SH2B3: variants seen among roughly 807,000 people sequenced by gnomAD.
SH2B3 encodes SH2B adapter protein 3.
In SH2B3, 43 loss-of-function variants were observed where a neutral mutation model predicts 51.9. That is an observed-to-expected ratio of 0.83 (90% CI 0.65 to 1.07). The LOEUF (loss-of-function observed/expected upper bound fraction) is 1.07, where lower values mean the gene tolerates loss of function less well. Among genes scored for constraint, SH2B3 ranks in the 50% least tolerant of loss-of-function variants. The pLI, the probability that SH2B3 is intolerant of heterozygous loss-of-function variation, is 0.00. For synonymous variants in SH2B3, 396 were observed against 376.0 expected, an observed-to-expected ratio of 1.05 and a Z score of -0.62; for missense variants, 952 against 834.3, an observed-to-expected ratio of 1.14 and a Z score of -1.74.
rs1170357636 is a variant in SH2B3, at chr12:111,410,320, C to T, written c.-28+4043C>T. On this transcript the variant is annotated intron_variant, in intron 1 of 7. Transcript: ENST00000341259. This position sits in a 1 kb window ranked among gnomAD's most constrained non-coding sequence, Gnocchi z 4.9. ...AGAGGGCAGTGTATGCTGCGAGAGGCGAGGTAATTGAGGGCTTACGCATGT... is the reference window on the plus strand; with the variant it reads ...AGAGGGCAGTGTATGCTGCGAGAGGTGAGGTAATTGAGGGCTTACGCATGT... Among the ~76,000 whole-genome samples, 4 of 152,116 alleles carry T rather than the reference C, an allele frequency of 2.6e-5. No individual in the cohort carries two copies. Among genetic ancestry groups the T allele is most frequent in the Admixed American group, 1.3e-4 (2 of 15,280 alleles).
Position 111,447,428 on chromosome 12 carries a change from G to A in SH2B3, c.1120G>A (p.Ala374Thr). 2 of 1,614,004 alleles carry A rather than the reference G, an allele frequency of 1.2e-6. No individual in the cohort carries two copies. The highest frequency in any genetic ancestry group is 8.5e-7 in the Non-Finnish European group (1 of 1,179,962). Residue 374 changes from alanine (A) to threonine (T), a missense_variant, in exon 6 of 8, where the codon GCA becomes ACA. By Grantham distance (58) the Ala-to-Thr change is moderately conservative (BLOSUM62 0). Coordinates refer to ENST00000341259, the MANE Select transcript of SH2B3 (RefSeq NM_005475.3). ...WFHGPISRVK[A>T]AQLVQLQGPD... is the part of the protein sequence containing the mutation. ...CCACGGCCCCATCTCCAGAGTGAAA[G>A]CAGCTCAGCTGGTTCAGCTGCAGGG...
At chr12:111,432,297 C>T (rs1378297934) in intron 2 of SH2B3, among the ~76,000 whole-genome samples, 1 of 152,036 alleles carries the variant, frequency 6.6e-6, no homozygotes, top group African/African-American at 2.4e-5. Context: ...GGTGAGCTGC[C>T]TGCCTCAGCC....
At chr12:111,427,376 A>G (rs1265192548) in intron 2 of SH2B3, among the ~76,000 whole-genome samples, 4 of 134,406 alleles carry the variant, frequency 3.0e-5, no homozygotes, top group Non-Finnish European at 6.1e-5. Context: ...ACAGAGCAAG[A>G]CTCCATCTCA....
chr12:111,446,088 C>A (rs1873924683), intron 2 of SH2B3, among the ~76,000 whole-genome samples: 1 of 152,210 alleles, frequency 6.6e-6, no homozygotes, highest in Non-Finnish European at 1.5e-5. Flanking sequence ...CCCTTTTCTT[C>A]TTTCGGCCAT....
In SH2B3 at chr12:111,450,323, T is replaced by C. The variant is rs529493274; in HGVS notation, c.*2021T>C. 6.6e-6 allele frequency: 1 copy of C among 152,390 alleles called. No homozygotes were observed. Among genetic ancestry groups the C allele is most frequent in the East Asian group, 1.9e-4 (1 of 5,194 alleles). 9.4% of individuals were successfully genotyped at this position (152,390 alleles called of 1,614,324 possible). On this transcript the variant is annotated 3_prime_UTR_variant, in exon 8 of 8. Coordinates refer to ENST00000341259, the MANE Select transcript of SH2B3 (RefSeq NM_005475.3). ...CAGTCCATTTTTAAGGACACCTGTCTTTATTTCCTCAAAGTCAAGCAGCTT... is the reference window on the plus strand; with the variant it reads ...CAGTCCATTTTTAAGGACACCTGTCCTTATTTCCTCAAAGTCAAGCAGCTT...
Position 111,418,553 on chromosome 12 carries a change from G to A in SH2B3, c.408G>A (p.Gln136=), listed in dbSNP as rs1318897848. ...GGCCGCCCGGGCCCTGCTCCTTCCA[G>A]CACTTTCGCCGCAGCCTCCGCCACA... ...PPRPPGPCSF[Q]HFRRSLRHIF... is the part of the protein sequence containing the mutation. The change falls in exon 2 of 8, where the codon CAG becomes CAA. Residue 136 remains glutamine, a synonymous_variant. Coordinates refer to ENST00000341259, the MANE Select transcript of SH2B3 (RefSeq NM_005475.3). This position sits in a 1 kb window ranked among gnomAD's most constrained non-coding sequence, Gnocchi z 6.7. 1.4e-6 allele frequency: 2 copies of A among 1,468,740 alleles called. No homozygotes were observed. The highest frequency in any genetic ancestry group is 1.8e-6 in the Non-Finnish European group (2 of 1,115,214). 91.0% of individuals were successfully genotyped at this position (1,468,740 alleles called of 1,614,324 possible). A position where few individuals can be genotyped will look rare whatever the true frequency, so the allele number is the denominator to read the frequency against.
rs909309193 is a variant in SH2B3 at position 111,429,657 on chromosome 12, G to A, written c.732+10780G>A. ...CCCATTTTTATTAATTGGTTTTCATGTGACAGGCACTGTGTCCGCCACATC... is the reference window on the plus strand; with the variant it reads ...CCCATTTTTATTAATTGGTTTTCATATGACAGGCACTGTGTCCGCCACATC... On this transcript the variant is annotated intron_variant, in intron 2 of 7. Transcript: ENST00000341259. The surrounding 1 kb of genome is among the most constrained non-coding windows in gnomAD (Gnocchi z 4.4). Among the ~76,000 whole-genome samples the A allele has an allele frequency of 6.6e-6, 1 of 152,158 alleles. No individual in the cohort carries two copies. Among genetic ancestry groups the A allele is most frequent in the Admixed American group, 6.5e-5 (1 of 15,280 alleles).
chr12:111,447,558 T>TG lies in SH2B3; in HGVS notation c.1236+18dup. The TG allele has an allele frequency of 2.1e-5, 4 of 191,904 alleles. No homozygotes were observed. The highest frequency in any genetic ancestry group is 3.7e-5 in the South Asian group (1 of 26,686). 11.9% of individuals were successfully genotyped at this position (191,904 alleles called of 1,614,324 possible). On this transcript the variant is annotated intron_variant, in intron 6 of 7. Transcript: ENST00000341259. ...GGGATAGCCAAGGTATGGGGTGGGGTGGGGTGGGGTGGGGCAGGCAGGACC... is the reference window on the plus strand; with the variant it reads ...GGGATAGCCAAGGTATGGGGTGGGGTGGGGGTGGGGTGGGGCAGGCAGGACC...
At chr12:111,413,614 C>T (rs1187706850) in intron 1 of SH2B3, among the ~76,000 whole-genome samples, 1 of 152,140 alleles carries the variant, frequency 6.6e-6, no homozygotes, top group East Asian at 1.9e-4. Context: ...CAGGACTGTG[C>T]GGAAGGTAGG....
intron 1 of SH2B3, among the ~76,000 whole-genome samples, chr12:111,408,779 G>A (rs908852737): frequency 3.3e-5 from 5 of 152,198 alleles, no homozygotes; most frequent in Admixed American, 6.5e-5. Context: ...ACACCCTTCT[G>A]AGGGCTGGTG....
intron 1 of SH2B3, among the ~76,000 whole-genome samples, chr12:111,416,383 T>C (rs1394536937): frequency 6.6e-6 from 1 of 152,178 alleles, no homozygotes; most frequent in Admixed American, 6.5e-5. Context: ...GCCTATGAAG[T>C]AGGCATGATC....
chr12:111,413,677 G>A (rs538084576), intron 1 of SH2B3, among the ~76,000 whole-genome samples: 130 of 152,316 alleles, frequency 8.5e-4, no homozygotes, highest in African/African-American at 3.0e-3. Context: ...CGCATCTGCC[G>A]GGAGAGCAAG....
chr12:111,426,222 A>G (rs906732864), intron 2 of SH2B3, among the ~76,000 whole-genome samples: 1 of 152,024 alleles, frequency 6.6e-6, no homozygotes, highest in Non-Finnish European at 1.5e-5. Flanking sequence ...TGCCTCCCTC[A>G]GACAAGGTAG....
Position 111,418,639 on chromosome 12 carries a change from C to A in SH2B3, c.494C>A (p.Thr165Asn). The change falls in exon 2 of 8, where the codon ACC becomes AAC. Residue 165 changes from threonine (T) to asparagine (N), a missense_variant. Transcript: ENST00000341259. The surrounding 1 kb of genome is among the most constrained non-coding windows in gnomAD (Gnocchi z 6.7). ...PAAHTAAAPG[T>N]PGEAAETPAR... Reference sequence around the variant, plus strand: ...GCCCACACCGCTGCCGCCCCCGGGACCCCCGGAGAGGCTGCTGAGACCCCC... The same window carrying A: ...GCCCACACCGCTGCCGCCCCCGGGAACCCCGGAGAGGCTGCTGAGACCCCC... The A allele has an allele frequency of 1.4e-6, 2 of 1,475,220 alleles. No homozygotes were observed. The highest frequency in any genetic ancestry group is 1.3e-5 in the South Asian group (1 of 77,310). The allele number at this position is 1,475,220 out of a possible 1,614,324, so 91.4% of individuals were successfully genotyped here. A position where few individuals can be genotyped will look rare whatever the true frequency, so the allele number is the denominator to read the frequency against.
rs374311769 is a variant in SH2B3, at chr12:111,447,518, A to G, written c.1210A>G (p.Thr404Ala). Reference protein sequence around the residue: ...SETRRGEYVLTFNFQGIAKHL... With the variant: ...SETRRGEYVLAFNFQGIAKHL... ...GACGCGGCGTGGGGAATACGTGCTC[A>G]CTTTCAACTTTCAGGGGATAGCCAA... The change falls in exon 6 of 8, where the codon ACT becomes GCT. Residue 404 changes from threonine (T) to alanine (A), a missense_variant. Thr to Ala is a moderately conservative substitution (Grantham distance 58, BLOSUM62 0). Transcript: ENST00000341259. The G allele has an allele frequency of 2.9e-6, 4 of 1,396,246 alleles. No homozygotes were observed. The highest frequency in any genetic ancestry group is 3.4e-5 in the African/African-American group (2 of 58,028). The allele number at this position is 1,396,246 out of a possible 1,614,324, so 86.5% of individuals were successfully genotyped here. A position where few individuals can be genotyped will look rare whatever the true frequency, so the allele number is the denominator to read the frequency against.
rs192954526 is a variant in SH2B3, at chr12:111,412,360, C to T, written c.-27-5759C>T. On this transcript the variant is annotated intron_variant, in intron 1 of 7. Transcript: ENST00000341259. ...TGCTCTGGGCTGGCAACTTCCTGCCCGGAGCAGCCTGAGCAGCCGCCTCTC... is the reference window on the plus strand; with the variant it reads ...TGCTCTGGGCTGGCAACTTCCTGCCTGGAGCAGCCTGAGCAGCCGCCTCTC... 1.2e-4 allele frequency among the ~76,000 whole-genome samples: 19 copies of T among 152,256 alleles called. No individual in the cohort carries two copies. The East Asian group carries it at 3.1e-3, about 25-fold the overall frequency.
rs953911126 is a variant in SH2B3 at position 111,447,483 on chromosome 12, G to A, written c.1175G>A (p.Arg392Gln). Residue 392 changes from arginine (R) to glutamine (Q), a missense_variant, in exon 6 of 8, where the codon CGG (arginine) becomes CAG (glutamine). Transcript: ENST00000341259. ...GPDAHGVFLVRQSETRRGEYV... is the reference protein window; with the variant it reads ...GPDAHGVFLVQQSETRRGEYV... ...GATGCTCATGGAGTGTTCCTGGTGC[G>A]GCAGAGCGAGACGCGGCGTGGGGAA... 11 of 1,613,064 alleles carry A rather than the reference G, an allele frequency of 6.8e-6. No homozygotes were observed. Among genetic ancestry groups the A allele is most frequent in the African/African-American group, 4.0e-5 (3 of 74,762 alleles).
At chr12:111,431,665 T>G (rs1872504537) in intron 2 of SH2B3, among the ~76,000 whole-genome samples, 1 of 152,154 alleles carries the variant, frequency 6.6e-6, no homozygotes, top group Admixed American at 6.5e-5. Context: ...CATTGCATCC[T>G]CAACCTCCTG....
chr12:111,448,451 T>C lies in SH2B3; in HGVS notation c.*149T>C, dbSNP rs999731965. ...CGTGCCAGTTTGGAAGTGACCCTTC[T>C]ATTAGGCCTGTTGAAGGGCCCTCCT... is the stretch of plus-strand genomic sequence containing the variant. On this transcript the variant is annotated 3_prime_UTR_variant, in exon 8 of 8. Transcript: ENST00000341259. 1.1e-4 allele frequency: 71 copies of C among 650,556 alleles called. No individual in the cohort carries two copies. In the East Asian group the frequency reaches 1.9e-3, roughly 17 times the overall value. 40.3% of individuals were successfully genotyped at this position (650,556 alleles called of 1,614,324 possible).
Sources: allele counts gnomAD v4.1 joint callset (sites outside exome capture counted in the v4.1 genomes callset), GRCh38; gene constraint gnomAD v4.1.1; non-coding constraint Gnocchi (gnomAD v3.1); transcripts MANE v1.5; gene names NCBI Gene and HGNC (gene_info 2026-07-23, HGNC 2026-07-21).